DACH1: variants seen among roughly 807,000 people sequenced by gnomAD.
The protein encoded by DACH1 is dachshund family transcription factor 1.
Under a neutral mutation model 54.2 loss-of-function variants are expected in DACH1, and 12 were observed. The ratio of observed to expected loss-of-function variants is 0.22; its 90% confidence interval spans 0.14 to 0.36. The LOEUF (loss-of-function observed/expected upper bound fraction) is 0.36, where lower values mean the gene tolerates loss of function less well. Among genes scored for constraint, DACH1 ranks in the 10% least tolerant of loss-of-function variants. The probability of loss-of-function intolerance (pLI) is 1.00; values close to 1 mark genes in which losing one functional copy is unlikely to be tolerated. For synonymous variants in DACH1, 386 were observed against 366.2 expected (o/e 1.05, Z -0.62); for missense variants, 805 against 929.8 (o/e 0.87, Z 1.75).
intron 1 of DACH1, among the ~76,000 whole-genome samples, chr13:71,856,475 T>C (rs1874010599): frequency 6.6e-6 from 1 of 152,004 alleles, no homozygotes; most frequent in Admixed American, 6.6e-5. Context: ...AATCATAAAA[T>C]ATTTTGAAAC....
intron 1 of DACH1, among the ~76,000 whole-genome samples, chr13:71,699,484 TC>T (rs1197926400): frequency 6.6e-6 from 1 of 152,216 alleles, no homozygotes; most frequent in Middle Eastern, 3.2e-3. Context: ...TAGTATATCT[TC>T]CCAGAAGGCA....
intron 6 of DACH1, among the ~76,000 whole-genome samples, chr13:71,547,607 G>C (rs1022265125): frequency 6.6e-6 from 1 of 152,014 alleles, no homozygotes; most frequent in Non-Finnish European, 1.5e-5. Flanking sequence ...TTGTCAAAAG[G>C]ACAAGATTAA....
chr13:71,738,186 A>G (rs1884221966), intron 1 of DACH1, among the ~76,000 whole-genome samples: 2 of 152,164 alleles, frequency 1.3e-5, no homozygotes. Context: ...GTAGCTCCCC[A>G]TGGAAGTGAT....
intron 1 of DACH1, among the ~76,000 whole-genome samples, chr13:71,822,801 G>A (rs1329872042): frequency 6.6e-6 from 1 of 152,028 alleles, no homozygotes. Flanking sequence ...AGGAAAGAGG[G>A]AGAGAACTAA....
At chr13:71,475,641 T>C (rs1877447036) in intron 9 of DACH1, 65 bp downstream of exon 9, 1 of 1,529,522 alleles carries the variant, frequency 6.5e-7, no homozygotes, top group Non-Finnish European at 8.8e-7. Flanking sequence ...TACAAACACA[T>C]GCCTAAACTG....
chr13:71,719,150 G>A (rs180691301), intron 1 of DACH1, among the ~76,000 whole-genome samples: 59 of 152,250 alleles, frequency 3.9e-4, no homozygotes, highest in Middle Eastern at 3.4e-3. Context: ...GGATTTAATT[G>A]ATAATTAAAG....
intron 4 of DACH1, 86 bp downstream of exon 4, chr13:71,572,754 G>T: frequency 7.2e-7 from 1 of 1,395,998 alleles, no homozygotes; most frequent in Non-Finnish European, 9.7e-7. Context: ...TTAGAGTTCA[G>T]ATGTACTTAT....
At position 71,438,956 on chromosome 13, in the gene DACH1, T is replaced by G. The variant is rs1352841933; in HGVS notation, c.*1699A>C. The G allele has an allele frequency of 6.6e-6, 1 of 152,488 alleles. No individual in the cohort carries two copies. The highest frequency in any genetic ancestry group is 1.5e-5 in the Non-Finnish European group (1 of 67,908). 9.4% of individuals were successfully genotyped at this position (152,488 alleles called of 1,614,324 possible). On this transcript the variant is annotated 3_prime_UTR_variant, in exon 11 of 11. Coordinates refer to ENST00000613252, the MANE Select transcript of DACH1 (RefSeq NM_080759.6). ...TAACCTTTTTATGGTATTAAAAAGA[T>G]GAACTTAGCTGGCTAATAGTGAGCT...
intron 1 of DACH1, among the ~76,000 whole-genome samples, chr13:71,754,562 A>G (rs1471310460): frequency 6.6e-6 from 1 of 152,180 alleles, no homozygotes; most frequent in Non-Finnish European, 1.5e-5. Context: ...TAAATGGCTT[A>G]GCCCGTTGAC....
At chr13:71,479,101 A>G in intron 8 of DACH1, 68 bp downstream of exon 8, 1 of 1,345,410 alleles carries the variant, frequency 7.4e-7, no homozygotes, top group Non-Finnish European at 9.9e-7. Context: ...AAAATAAATC[A>G]CCATCATAGT....
chr13:71,594,057 T>G (rs1593953471), intron 3 of DACH1, among the ~76,000 whole-genome samples: 1 of 151,296 alleles, frequency 6.6e-6, no homozygotes, highest in East Asian at 2.0e-4. Flanking sequence ...AAAATGCATA[T>G]TTTCATAACT....
At chr13:71,630,360 T>C (rs1170598279) in intron 3 of DACH1, among the ~76,000 whole-genome samples, 196 bp downstream of exon 3, 1 of 152,192 alleles carries the variant, frequency 6.6e-6, no homozygotes, top group Non-Finnish European at 1.5e-5. Context: ...AAAATAATGT[T>C]GCTAATTATT....
At chr13:71,447,502 T>G (rs1022108909) in intron 10 of DACH1, among the ~76,000 whole-genome samples, 1 of 152,172 alleles carries the variant, frequency 6.6e-6, no homozygotes, top group African/African-American at 2.4e-5. Flanking sequence ...ATTGAACAGA[T>G]TGATCATTTA....
At chr13:71,770,636 C>A (rs1798904266) in intron 1 of DACH1, among the ~76,000 whole-genome samples, 1 of 151,510 alleles carries the variant, frequency 6.6e-6, no homozygotes, top group Non-Finnish European at 1.5e-5. Flanking sequence ...TTATGTGTAC[C>A]AAAATGTGCT....
At chr13:71,644,479 A>C (rs575883922) in intron 2 of DACH1, among the ~76,000 whole-genome samples, 1 of 152,302 alleles carries the variant, frequency 6.6e-6, no homozygotes, top group Non-Finnish European at 1.5e-5. Flanking sequence ...CTTCCACGCC[A>C]CAGTATAAAT....
intron 1 of DACH1, among the ~76,000 whole-genome samples, chr13:71,824,745 C>T (rs1383433159): frequency 6.6e-6 from 1 of 152,016 alleles, no homozygotes; most frequent in Non-Finnish European, 1.5e-5. Context: ...TTACTACTCT[C>T]AGGGAGTAGT....
intron 6 of DACH1, among the ~76,000 whole-genome samples, chr13:71,554,553 T>G (rs1176057594): frequency 6.6e-6 from 1 of 152,130 alleles, no homozygotes; most frequent in East Asian, 1.9e-4. Flanking sequence ...ATGTGCTTTA[T>G]GAAGGTCAGA....
intron 2 of DACH1, among the ~76,000 whole-genome samples, chr13:71,642,867 A>T (rs996565977): frequency 1.3e-5 from 2 of 151,828 alleles, no homozygotes; most frequent in Non-Finnish European, 2.9e-5. Context: ...TGAAAAAAAT[A>T]TACAAAAATT....
chr13:71,497,673 T>C (rs567299229), intron 6 of DACH1, among the ~76,000 whole-genome samples: 49 of 152,128 alleles, frequency 3.2e-4, no homozygotes, highest in Non-Finnish European at 6.6e-4. Flanking sequence ...CTGATAAGGC[T>C]TTGATGAAGA....
Sources: gnomAD v4.1 joint callset for allele counts (sites outside exome capture counted in the v4.1 genomes callset) on GRCh38, gnomAD v4.1.1 for gene constraint, MANE v1.5 for transcripts, NCBI Gene and HGNC (gene_info 2026-07-23, HGNC 2026-07-21) for gene names.